The following MROH2A variants were observed in gnomAD, a reference collection of about 807,000 sequenced individuals.
MROH2A encodes maestro heat-like repeat-containing protein family member 2A.
MROH2A carries 174 observed loss-of-function variants against 200.4 expected under a neutral mutation model. That is an observed-to-expected ratio of 0.87 (90% confidence interval 0.77 to 0.98). The LOEUF (loss-of-function observed/expected upper bound fraction) is 0.98. MROH2A is among the 50% of genes least tolerant of loss of function. The pLI, the probability that MROH2A is intolerant of heterozygous loss-of-function variation, is 0.00. For synonymous variants in MROH2A, 829 were observed against 840.4 expected (o/e 0.99, Z 0.23); for missense variants, 2,045 against 2,139.6 (o/e 0.96, Z 0.87).
chr2:233,822,229 C>T lies in MROH2A; in HGVS notation c.3618C>T (p.Ile1206=), dbSNP rs1346868561. The T allele has an allele frequency of 3.9e-5, 60 of 1,548,056 alleles. No individual in the cohort carries two copies. The highest frequency in any genetic ancestry group is 2.7e-4 in the Admixed American group (14 of 50,992). Residue 1206 remains isoleucine (I), a synonymous_variant, in exon 32 of 42, where the codon ATC becomes ATT. Transcript: ENST00000389758. The part of the protein sequence containing the change: ...GRLQSRLSPR[I]SATSKADIWR... ...TGCAGTCACGGCTCAGCCCCAGAATCAGTGCCACCTCCAAGGCTGACATCT... is the reference window on the plus strand; with the variant it reads ...TGCAGTCACGGCTCAGCCCCAGAATTAGTGCCACCTCCAAGGCTGACATCT...
chr2:233,809,281 A>G lies in MROH2A; in HGVS notation c.2448+3A>G. 6.5e-7 allele frequency: 1 copy of G among 1,548,654 alleles called. No individual in the cohort carries two copies. The highest frequency in any genetic ancestry group is 1.2e-5 in the South Asian group (1 of 84,030). On this transcript the variant is annotated splice_donor_region_variant and intron_variant, in intron 22 of 41. Transcript: ENST00000389758. Reference sequence around the variant, plus strand: ...ACCATTATGTCAGCAGCTGCCAGGTAGCCCCATCTGCTGCCTGGGGGGATG... The same window carrying G: ...ACCATTATGTCAGCAGCTGCCAGGTGGCCCCATCTGCTGCCTGGGGGGATG...
chr2:233,828,663 C>A lies in MROH2A; in HGVS notation c.4147C>A (p.Leu1383Met), dbSNP rs939124398. Residue 1383 changes from leucine to methionine, a missense_variant, in exon 36 of 42, where the codon CTG becomes ATG. Leu to Met is a conservative substitution (Grantham distance 15, BLOSUM62 2). Transcript: ENST00000389758. This position sits in a 1 kb window ranked among gnomAD's most constrained non-coding sequence, Gnocchi z 4.6. ...MSGPVLYQEK[L>M]LKPAALLLEK... ...CGGCCCAGTTCTGTACCAGGAGAAG[C>A]TGCTGAAGCCGGCAGCTTTGCTGCT... The A allele has an allele frequency of 1.8e-5, 28 of 1,550,788 alleles. No homozygotes were observed. Among genetic ancestry groups the A allele is most frequent in the Non-Finnish European group, 2.4e-5 (28 of 1,147,040 alleles).
At chr2:233,806,085 G>A (rs1298032333) in intron 19 of MROH2A, among the ~76,000 whole-genome samples, 1 of 152,062 alleles carries the variant, frequency 6.6e-6, no homozygotes, top group African/African-American at 2.4e-5. Context: ...AAAACCTCTT[G>A]TGCTAAAAAT....
In MROH2A at chr2:233,789,482, A is replaced by G; in HGVS notation, c.277-15A>G. Reference sequence around the variant, plus strand: ...CAGGGTGAGGTCCATTCCACCCACCATACTTGTTTCCCAGATTTCCACCCA... The same window carrying G: ...CAGGGTGAGGTCCATTCCACCCACCGTACTTGTTTCCCAGATTTCCACCCA... On this transcript the variant is annotated splice_polypyrimidine_tract_variant and intron_variant, in intron 3 of 41. Coordinates refer to ENST00000389758, the MANE Select transcript of MROH2A (RefSeq NM_001394639.1). 7.1e-7 allele frequency: 1 copy of G among 1,407,300 alleles called. No individual in the cohort carries two copies. The highest frequency in any genetic ancestry group is 9.3e-7 in the Non-Finnish European group (1 of 1,073,778). 87.2% of individuals were successfully genotyped at this position (1,407,300 alleles called of 1,614,324 possible). A position where few individuals can be genotyped will look rare whatever the true frequency, so the allele number is the denominator to read the frequency against.
chr2:233,801,732 T>C (rs1702485910), intron 14 of MROH2A, among the ~76,000 whole-genome samples: 1 of 152,210 alleles, frequency 6.6e-6, no homozygotes, highest in Admixed American at 6.5e-5. Context: ...CCTAGATTGG[T>C]GTTTGACTGA....
Position 233,807,404 on chromosome 2 carries a change from C to T in MROH2A, c.2053-19C>T, listed in dbSNP as rs930826378. On this transcript the variant is annotated intron_variant, in intron 19 of 41. Coordinates refer to ENST00000389758, the MANE Select transcript of MROH2A (RefSeq NM_001394639.1). The surrounding 1 kb of genome is among the most constrained non-coding windows in gnomAD (Gnocchi z 4.3). ...GCTGTAGGGAGGCCTGAGCTCCTTCCTCCCTTCTGCCTCTCCAGGGCTTTC... is the reference window on the plus strand; with the variant it reads ...GCTGTAGGGAGGCCTGAGCTCCTTCTTCCCTTCTGCCTCTCCAGGGCTTTC... 8 of 1,542,342 alleles carry T rather than the reference C, an allele frequency of 5.2e-6. No homozygotes were observed. The South Asian group carries it at 9.6e-5, about 18-fold the overall frequency.
intron 38 of MROH2A, among the ~76,000 whole-genome samples, chr2:233,830,903 G>C (rs1704693759): frequency 6.6e-6 from 1 of 152,178 alleles, no homozygotes; most frequent in African/African-American, 2.4e-5. Flanking sequence ...CAGTGGGGTG[G>C]GGGGGCTTCA....
chr2:233,776,800 C>T (rs1165411494), upstream of MROH2A, among the ~76,000 whole-genome samples: 2 of 152,220 alleles, frequency 1.3e-5, no homozygotes, highest in East Asian at 3.8e-4. Context: ...GAATCTATTT[C>T]TCCAGCCTGT....
At chr2:233,819,505 G>A in intron 30 of MROH2A, 36 bp downstream of exon 30, 2 of 1,542,666 alleles carry the variant, frequency 1.3e-6, no homozygotes, top group Non-Finnish European at 1.7e-6. Flanking sequence ...AGAGAGAGGG[G>A]CTGGGGCTGC....
At chr2:233,792,564 T>C (rs543339222) in intron 5 of MROH2A, among the ~76,000 whole-genome samples, 99 of 152,216 alleles carry the variant, frequency 6.5e-4, no homozygotes, top group Non-Finnish European at 1.0e-3. Flanking sequence ...CCGCCCACCT[T>C]GGCCTCCCAA....
chr2:233,792,262 C>T (rs1390042620), intron 5 of MROH2A, among the ~76,000 whole-genome samples: 1 of 151,938 alleles, frequency 6.6e-6, no homozygotes, highest in Non-Finnish European at 1.5e-5. Context: ...TCTCTTCTTC[C>T]CTTTCCTCCC....
Position 233,828,745 on chromosome 2 carries a change from C to G in MROH2A, c.4229C>G (p.Ala1410Gly). The G allele has an allele frequency of 6.4e-7, 1 of 1,550,462 alleles. No individual in the cohort carries two copies. Among genetic ancestry groups the G allele is most frequent in the Non-Finnish European group, 8.7e-7 (1 of 1,146,912 alleles). ...GCCCTGCGGGTGCTGTCCCTGCGCG[C>G]CCTCGGCAACATGGCCCTGGGCGCC... ...DEALRVLSLR[A>G]LGNMALGAPK... The change falls in exon 36 of 42, where the codon GCC (alanine) becomes GGC (glycine). Residue 1410 changes from alanine (A) to glycine (G), a missense_variant. By Grantham distance (60) the Ala-to-Gly change is moderately conservative. Coordinates refer to ENST00000389758, the MANE Select transcript of MROH2A (RefSeq NM_001394639.1). This position sits in a 1 kb window ranked among gnomAD's most constrained non-coding sequence, Gnocchi z 4.6.
chr2:233,816,469 T>C (rs1457280735), intron 26 of MROH2A, among the ~76,000 whole-genome samples: 1 of 152,264 alleles, frequency 6.6e-6, no homozygotes, highest in East Asian at 1.9e-4. Context: ...TGCTCTAAAA[T>C]GAACTTTTAT....
chr2:233,803,487 T>C lies in MROH2A; in HGVS notation c.1748T>C (p.Leu583Pro). The change falls in exon 16 of 42, where the codon CTG (leucine) becomes CCG (proline). Residue 583 changes from leucine (L) to proline (P), a missense_variant and splice_region_variant. Coordinates refer to ENST00000389758, the MANE Select transcript of MROH2A (RefSeq NM_001394639.1). ...CCTCAGAAGCTGCTGGCCCGTCTCCTGGTGAGTGGCTGACCTGCACCATGC... is the reference window on the plus strand; with the variant it reads ...CCTCAGAAGCTGCTGGCCCGTCTCCCGGTGAGTGGCTGACCTGCACCATGC... ...PAPQKLLARL[L>P]VLMSSPYKGE... 6.4e-7 allele frequency: 1 copy of C among 1,550,464 alleles called. No individual in the cohort carries two copies. Among genetic ancestry groups the C allele is most frequent in the Non-Finnish European group, 8.7e-7 (1 of 1,146,980 alleles).
At position 233,779,379 on chromosome 2, in the gene MROH2A, A is replaced by C. The variant is rs1353460015; in HGVS notation, c.21A>C (p.Glu7Asp). 1 of 1,549,576 alleles carries C rather than the reference A, an allele frequency of 6.5e-7. No homozygotes were observed. Among genetic ancestry groups the C allele is most frequent in the African/African-American group, 1.4e-5 (1 of 73,040 alleles). The change falls in exon 2 of 42, where the codon GAA becomes GAC. Residue 7 changes from glutamate to aspartate, a missense_variant. By Grantham distance (45) the Glu-to-Asp change is conservative (BLOSUM62 2). Around this residue, in one of 3 missense-constraint regions of MROH2A, gnomAD observed 831 missense variants for 800.0 expected, o/e 1.04. Coordinates refer to ENST00000389758, the MANE Select transcript of MROH2A (RefSeq NM_001394639.1). Reference protein sequence around the residue: MTEAITEAAVASSEEVS... With the variant: MTEAITDAAVASSEEVS... Reference sequence around the variant, plus strand: ...AAGAGATGACTGAAGCCATTACAGAAGCAGCAGTAGCCTCAAGTGAGGAGG... The same window carrying C: ...AAGAGATGACTGAAGCCATTACAGACGCAGCAGTAGCCTCAAGTGAGGAGG...
rs1457713505 is a variant in MROH2A at position 233,788,166 on chromosome 2, T to TA, written c.277-1330dup. On this transcript the variant is annotated intron_variant, in intron 3 of 41. Transcript: ENST00000389758. ...ATATAATATATATTTTATATATACA[T>TA]ATACATATATTATATATATACACAC... Among the ~76,000 whole-genome samples, 357 of 119,388 alleles carry TA rather than the reference T, an allele frequency of 3.0e-3. 1 individual carries two copies. Among genetic ancestry groups the TA allele is most frequent in the Non-Finnish European group, 4.7e-3 (284 of 60,540 alleles). 78.3% of individuals were successfully genotyped at this position (119,388 alleles called of 152,430 possible). A position where few individuals can be genotyped will look rare whatever the true frequency, so the allele number is the denominator to read the frequency against.
At chr2:233,795,880 C>T in intron 9 of MROH2A, 87 bp from the exon 10 acceptor site, 1 of 1,528,642 alleles carries the variant, frequency 6.5e-7, no homozygotes, top group South Asian at 1.2e-5. Context: ...CTGTGGTGCC[C>T]ATGCAGCCCC....
At position 233,804,326 on chromosome 2, in the gene MROH2A, G is replaced by A. The variant is rs560500553; in HGVS notation, c.1891+134G>A. The stretch of plus-strand genomic sequence containing the variant: ...CACAGCCAGCCCACTTTTGTCCTGA[G>A]AACTGGTTGAGCAGCTTGGGAAGGT... On this transcript the variant is annotated intron_variant, in intron 17 of 41. Coordinates refer to ENST00000389758, the MANE Select transcript of MROH2A (RefSeq NM_001394639.1). 719 of 1,406,518 alleles carry A rather than the reference G, an allele frequency of 5.1e-4. 2 individuals are homozygous for A. Among genetic ancestry groups the A allele is most frequent in the Middle Eastern group, 2.7e-3 (13 of 4,800 alleles). 87.1% of individuals were successfully genotyped at this position (1,406,518 alleles called of 1,614,324 possible).
rs369455768 is a variant in MROH2A at position 233,825,530 on chromosome 2, A to T, written c.4113+1866A>T. On this transcript the variant is annotated intron_variant, in intron 35 of 41. Coordinates refer to ENST00000389758, the MANE Select transcript of MROH2A (RefSeq NM_001394639.1). ...TGTTGGGAGTTTTTAACATGAAGGG[A>T]TGTTGAATTTTATTGAAGGCCTTTT... Among the ~76,000 whole-genome samples the T allele has an allele frequency of 7.9e-5, 12 of 152,092 alleles. 1 individual carries two copies. Among genetic ancestry groups the T allele is most frequent in the Admixed American group, 7.9e-4 (12 of 15,266 alleles).
Sources: allele counts gnomAD v4.1 joint callset (sites outside exome capture counted in the v4.1 genomes callset), GRCh38; gene constraint gnomAD v4.1.1; regional missense constraint gnomAD v4.1.1; non-coding constraint Gnocchi (gnomAD v3.1); transcripts MANE v1.5; gene names NCBI Gene and HGNC (gene_info 2026-07-23, HGNC 2026-07-21).